The following SLC13A1 variants were observed in gnomAD, a reference collection of about 807,000 sequenced individuals.
The protein encoded by SLC13A1 is Na(+)/sulfate cotransporter.
SLC13A1 carries 65 observed loss-of-function variants against 70.0 expected under a neutral mutation model. That is an observed-to-expected ratio of 0.93 (90% CI 0.76 to 1.14). The LOEUF is 1.14. Ranked by LOEUF, SLC13A1 falls within the 50% of genes most tolerant of loss-of-function variation. SLC13A1 has a pLI of 0.00. For missense variants in SLC13A1, 726 were observed against 717.8 expected (o/e 1.01, Z -0.13); for synonymous variants, 275 against 250.5 (o/e 1.10, Z -0.92).
At chr7:123,194,126 G>T (rs187701271) in intron 1 of SLC13A1, among the ~76,000 whole-genome samples, 3 of 152,208 alleles carry the variant, frequency 2.0e-5, no homozygotes, top group East Asian at 3.9e-4. Flanking sequence ...TTACAGTCTG[G>T]AGGGAGACAC....
chr7:123,141,936 T>C (rs1794165577), intron 7 of SLC13A1, among the ~76,000 whole-genome samples: 1 of 152,160 alleles, frequency 6.6e-6, no homozygotes, highest in Non-Finnish European at 1.5e-5. Context: ...AATGTTACTA[T>C]TGATAAGTAA....
chr7:123,130,687 G>C (rs1563321834), intron 8 of SLC13A1, among the ~76,000 whole-genome samples: 1 of 152,030 alleles, frequency 6.6e-6, no homozygotes, highest in East Asian at 1.9e-4. Flanking sequence ...TAACAAACCT[G>C]CACATCCTGC....
chr7:123,139,406 G>T (rs1794057925), intron 7 of SLC13A1, among the ~76,000 whole-genome samples: 2 of 151,798 alleles, frequency 1.3e-5, no homozygotes, highest in Admixed American at 1.3e-4. Context: ...TGGTTCTTTT[G>T]TTGTTCCATA....
intron 6 of SLC13A1, chr7:123,149,562 AT>A (rs556781512): frequency 1.6e-4 from 71 of 456,560 alleles, no homozygotes; most frequent in Non-Finnish European, 2.8e-4. Context: ...CAGCCTTCTC[AT>A]TTTAAACACT....
At chr7:123,189,135 AAG>A (rs1795916971) in intron 1 of SLC13A1, among the ~76,000 whole-genome samples, 1 of 150,742 alleles carries the variant, frequency 6.6e-6, no homozygotes, top group South Asian at 2.1e-4. Flanking sequence ...AAAAAAAAGA[AAG>A]AAAATCTTTC....
intron 4 of SLC13A1, among the ~76,000 whole-genome samples, chr7:123,168,852 T>C (rs1363020345): frequency 5.3e-5 from 8 of 152,220 alleles, no homozygotes; most frequent in Non-Finnish European, 8.8e-5. Flanking sequence ...GCCATTTCAG[T>C]ATAGGAAAGA....
intron 11 of SLC13A1, among the ~76,000 whole-genome samples, chr7:123,123,949 A>G (rs969106748): frequency 2.6e-5 from 4 of 152,158 alleles, no homozygotes; most frequent in African/African-American, 7.2e-5. Context: ...AAGTTTACCA[A>G]TAAGCTTCCT....
intron 1 of SLC13A1, among the ~76,000 whole-genome samples, chr7:123,192,064 C>T (rs2116672547): frequency 6.6e-6 from 1 of 152,156 alleles, no homozygotes; most frequent in Admixed American, 6.5e-5. Context: ...CTGTTCTCTC[C>T]TCCTTGCCTG....
chr7:123,188,388 T>C (rs1477295687), intron 1 of SLC13A1, among the ~76,000 whole-genome samples: 3 of 152,198 alleles, frequency 2.0e-5, no homozygotes, highest in African/African-American at 7.2e-5. Flanking sequence ...GAGATGGTCA[T>C]ACTAGTTTAT....
chr7:123,144,277 G>C (rs912073165), intron 7 of SLC13A1, among the ~76,000 whole-genome samples: 2 of 152,058 alleles, frequency 1.3e-5, no homozygotes, highest in African/African-American at 4.8e-5. Context: ...GCACATAGGT[G>C]GTATTACAAA....
intron 8 of SLC13A1, among the ~76,000 whole-genome samples, chr7:123,131,900 T>G (rs898645458): frequency 3.3e-5 from 5 of 152,178 alleles, no homozygotes; most frequent in Admixed American, 6.5e-5. Flanking sequence ...TCTTCTTAAT[T>G]TCTCCTTTTT....
At chr7:123,150,555 C>T (rs552656516) in intron 6 of SLC13A1, among the ~76,000 whole-genome samples, 24 of 152,216 alleles carry the variant, frequency 1.6e-4, no homozygotes, top group African/African-American at 5.5e-4. Flanking sequence ...CCAAACTACT[C>T]GAAAGAGTTG....
intron 2 of SLC13A1, among the ~76,000 whole-genome samples, chr7:123,179,578 A>G (rs2116607723): frequency 6.6e-6 from 1 of 152,256 alleles, no homozygotes; most frequent in Admixed American, 6.6e-5. Context: ...TCAGGCCCTT[A>G]CACACCACAA....
intron 6 of SLC13A1, among the ~76,000 whole-genome samples, chr7:123,151,346 A>G (rs1794547732): frequency 6.8e-6 from 1 of 146,770 alleles, no homozygotes; most frequent in South Asian, 2.2e-4. Context: ...AAACAAAACT[A>G]TATATATATA....
At chr7:123,198,756 G>C (rs889302304) in intron 1 of SLC13A1, among the ~76,000 whole-genome samples, 1 of 152,024 alleles carries the variant, frequency 6.6e-6, no homozygotes, top group Non-Finnish European at 1.5e-5. Context: ...CCAGACTGGT[G>C]TAACCTCGAT....
chr7:123,180,272 G>A (rs1795595769), intron 2 of SLC13A1, among the ~76,000 whole-genome samples: 1 of 152,148 alleles, frequency 6.6e-6, no homozygotes, highest in Non-Finnish European at 1.5e-5. Context: ...TAAGCCTCAA[G>A]AGAGCAATGT....
intron 14 of SLC13A1, among the ~76,000 whole-genome samples, chr7:123,116,081 G>C (rs1793171589): frequency 6.6e-6 from 1 of 152,148 alleles, no homozygotes; most frequent in Non-Finnish European, 1.5e-5. Context: ...ATATTTCAAT[G>C]AATAAAATTC....
intron 13 of SLC13A1, among the ~76,000 whole-genome samples, chr7:123,118,457 C>T (rs1412942380): frequency 6.6e-6 from 1 of 152,092 alleles, no homozygotes; most frequent in Non-Finnish European, 1.5e-5. Context: ...TTCCTTTCAC[C>T]AAACCAGTCC....
intron 8 of SLC13A1, among the ~76,000 whole-genome samples, chr7:123,132,134 T>C (rs1793785546): frequency 6.6e-6 from 1 of 152,114 alleles, no homozygotes; most frequent in Admixed American, 6.6e-5. Flanking sequence ...CCTGCTGAAA[T>C]CAGTGACATT....
Sources: gnomAD v4.1 joint callset for allele counts (sites outside exome capture counted in the v4.1 genomes callset) on GRCh38, gnomAD v4.1.1 for gene constraint, MANE v1.5 for transcripts, NCBI Gene and HGNC (gene_info 2026-07-23, HGNC 2026-07-21) for gene names.